Variants in RANBP9 observed in about 807,000 individuals in gnomAD.
RANBP9 encodes RAN binding protein 9.
Under a neutral mutation model 84.3 loss-of-function variants are expected in RANBP9, and 15 were observed. The observed-to-expected ratio is 0.18, with a 90% CI of 0.12 to 0.27. The LOEUF is 0.27. RANBP9 is among the 10% of genes least tolerant of loss of function. The probability of loss-of-function intolerance (pLI) is 1.00; values close to 1 mark genes in which losing one functional copy is unlikely to be tolerated. For synonymous variants in RANBP9, 392 were observed against 349.6 expected, an observed-to-expected ratio of 1.12 and a Z score of -1.35; for missense variants, 809 against 912.8, an observed-to-expected ratio of 0.89 and a Z score of 1.46.
In RANBP9 at chr6:13,644,585, T is replaced by G; in HGVS notation, c.1072A>C (p.Ile358Leu). 4 of 1,613,174 alleles carry G rather than the reference T, an allele frequency of 2.5e-6. No individual in the cohort carries two copies. The highest frequency in any genetic ancestry group is 3.4e-6 in the Non-Finnish European group (4 of 1,179,614). ...TGCCATTCTCCTTCTCGATCTCCGA[T>G]AGGAAATCGATCTATCTGTGCCTGG... is the stretch of plus-strand genomic sequence containing the variant. ...KIQAQIDRFP[I>L]GDREGEWQTM... The change falls in exon 6 of 14, where the codon ATC becomes CTC. Residue 358 changes from isoleucine (I) to leucine (L), a missense_variant. Physicochemically the swap from Ile to Leu is conservative, Grantham distance 5. Around this residue, in one of 5 missense-constraint regions of RANBP9, gnomAD observed 216 missense variants for 329.0 expected, o/e 0.66. Transcript: ENST00000011619.
intron 2 of RANBP9, among the ~76,000 whole-genome samples, chr6:13,672,760 C>G (rs1012030378): frequency 6.6e-6 from 1 of 151,264 alleles, no homozygotes; most frequent in Non-Finnish European, 1.5e-5. Flanking sequence ...CATTAAAATG[C>G]TAAGGGCTAT....
At chr6:13,641,976 T>C (rs1462129288) in intron 7 of RANBP9, among the ~76,000 whole-genome samples, 2 of 152,190 alleles carry the variant, frequency 1.3e-5, no homozygotes, top group Non-Finnish European at 2.9e-5. Context: ...AATTTTAGGA[T>C]GGCTAACTAT....
At chr6:13,664,499 T>C (rs985718786) in intron 2 of RANBP9, among the ~76,000 whole-genome samples, 5 of 151,978 alleles carry the variant, frequency 3.3e-5, no homozygotes, top group Non-Finnish European at 7.4e-5. Context: ...CTAAAGTGTA[T>C]ATAGAAGCTG....
intron 1 of RANBP9, among the ~76,000 whole-genome samples, chr6:13,702,800 G>T (rs565980073): frequency 5.3e-5 from 8 of 151,988 alleles, no homozygotes; most frequent in Admixed American, 5.2e-4. Context: ...TATTTCTCAA[G>T]GATAATCTCT....
chr6:13,711,492 G>A lies in RANBP9; in HGVS notation c.14C>T (p.Pro5Leu), dbSNP rs1222078187. 5 of 1,244,060 alleles carry A rather than the reference G, an allele frequency of 4.0e-6. No homozygotes were observed. Among genetic ancestry groups the A allele is most frequent in the Non-Finnish European group, 5.0e-6 (5 of 992,578 alleles). 77.1% of individuals were successfully genotyped at this position (1,244,060 alleles called of 1,614,324 possible). The change falls in exon 1 of 14, where the codon CCG (proline) becomes CTG (leucine). Residue 5 changes from proline to leucine, a missense_variant. Transcript: ENST00000011619. MSGQPPPPPPQQQQQ... is the reference protein window; with the variant it reads MSGQLPPPPPQQQQQ... ...CTGCTGCTGCGGCGGCGGCGGCGGC[G>A]GCTGCCCGGACATCCCGGCCGCGAC...
intron 2 of RANBP9, among the ~76,000 whole-genome samples, chr6:13,691,485 G>C (rs1262080956): frequency 1.3e-5 from 2 of 152,138 alleles, no homozygotes; most frequent in East Asian, 3.9e-4. Context: ...GGAATTAAAA[G>C]TCTTTACAAG....
rs555880998 is a variant in RANBP9, at chr6:13,673,573, G to C, written c.684-14741C>G. On this transcript the variant is annotated intron_variant, in intron 2 of 13. Coordinates refer to ENST00000011619, the MANE Select transcript of RANBP9 (RefSeq NM_005493.3). Reference sequence around the variant, plus strand: ...ATATCTTGGGTAACTGCTGACTATGGATAAGTGAAATGAATAACAGCAATG... The same window carrying C: ...ATATCTTGGGTAACTGCTGACTATGCATAAGTGAAATGAATAACAGCAATG... 4.6e-5 allele frequency among the ~76,000 whole-genome samples: 7 copies of C among 152,262 alleles called. No homozygotes were observed. In the East Asian group the frequency reaches 1.3e-3, roughly 29 times the overall value.
chr6:13,696,943 T>C, intron 1 of RANBP9, 47 bp from the exon 2 acceptor site: 1 of 1,450,228 alleles, frequency 6.9e-7, no homozygotes, highest in South Asian at 1.2e-5. Flanking sequence ...AGATATTCAC[T>C]GAAAGATGAA....
chr6:13,670,716 T>C (rs1309894851), intron 2 of RANBP9, among the ~76,000 whole-genome samples: 1 of 147,982 alleles, frequency 6.8e-6, no homozygotes, highest in Non-Finnish European at 1.5e-5. Context: ...AGGAGAATGG[T>C]GTGAACCCGG....
chr6:13,642,746 G>A lies in RANBP9; in HGVS notation c.1113-155C>T, dbSNP rs112793860. 2.4e-3 allele frequency among the ~76,000 whole-genome samples: 358 copies of A among 152,194 alleles called. 1 individual carries two copies. The highest frequency in any genetic ancestry group is 8.2e-3 in the African/African-American group (339 of 41,550). ...AACCTCACCTTTAAAGTAAGCTTTT[G>A]AAAAACATCATTTTGTTCTATTCAT... On this transcript the variant is annotated intron_variant, in intron 6 of 13. Transcript: ENST00000011619.
chr6:13,682,072 G>C (rs775050012), intron 2 of RANBP9, among the ~76,000 whole-genome samples: 9 of 152,032 alleles, frequency 5.9e-5, no homozygotes, highest in Non-Finnish European at 1.2e-4. Flanking sequence ...ACATTGGCCA[G>C]GCTGGTCTCG....
intron 1 of RANBP9, among the ~76,000 whole-genome samples, chr6:13,705,221 T>C (rs536254367): frequency 1.3e-4 from 19 of 151,638 alleles, no homozygotes; most frequent in African/African-American, 4.6e-4. Flanking sequence ...CTGGCCAACA[T>C]GGCAAAACCC....
Position 13,657,230 on chromosome 6 carries a change from C to T in RANBP9, c.783G>A (p.Ser261=), listed in dbSNP as rs1048656524. The change falls in exon 4 of 14, where the codon TCG becomes TCA. Residue 261 remains serine, a synonymous_variant. Transcript: ENST00000011619. ...SYGYHGDDGH[S]FCSSGTGQPY... ...GTTGTCCAGTTCCAGAAGAACAAAA[C>T]GAATGTCCATCATCCCCATGGTAAC... 1.2e-6 allele frequency: 2 copies of T among 1,613,540 alleles called. No homozygotes were observed. The highest frequency in any genetic ancestry group is 8.5e-7 in the Non-Finnish European group (1 of 1,179,654).
At chr6:13,704,468 A>C (rs1758050559) in intron 1 of RANBP9, among the ~76,000 whole-genome samples, 1 of 151,986 alleles carries the variant, frequency 6.6e-6, no homozygotes, top group African/African-American at 2.4e-5. Flanking sequence ...TTCTCTACAA[A>C]AAAATACAAA....
intron 2 of RANBP9, among the ~76,000 whole-genome samples, chr6:13,676,187 T>A (rs1036483826): frequency 1.3e-5 from 2 of 152,044 alleles, no homozygotes; most frequent in African/African-American, 2.4e-5. Context: ...TCAGAATATA[T>A]CCAATAAGGG....
intron 13 of RANBP9, 134 bp downstream of exon 13, chr6:13,625,519 G>A (rs1011674492): frequency 1.6e-5 from 8 of 508,652 alleles, no homozygotes; most frequent in East Asian, 3.2e-5. Context: ...CTATATTTTA[G>A]GTATTTTTAT....
At chr6:13,653,986 A>T (rs2127769386) in intron 4 of RANBP9, among the ~76,000 whole-genome samples, 1 of 152,110 alleles carries the variant, frequency 6.6e-6, no homozygotes, top group East Asian at 1.9e-4. Flanking sequence ...ATATTTTAAT[A>T]TACTATAAAC....
chr6:13,667,602 C>T lies in RANBP9; in HGVS notation c.684-8770G>A, dbSNP rs544931463. 1.7e-3 allele frequency among the ~76,000 whole-genome samples: 258 copies of T among 152,280 alleles called. 1 individual carries two copies. Among genetic ancestry groups the T allele is most frequent in the Non-Finnish European group, 2.7e-3 (185 of 68,006 alleles). Reference sequence around the variant, plus strand: ...GCCATTTTAAATCTTTTATACCACACATTTTTACTGTATCTTTCCTATGTG... The same window carrying T: ...GCCATTTTAAATCTTTTATACCACATATTTTTACTGTATCTTTCCTATGTG... On this transcript the variant is annotated intron_variant, in intron 2 of 13. Coordinates refer to ENST00000011619, the MANE Select transcript of RANBP9 (RefSeq NM_005493.3).
At chr6:13,676,989 C>T (rs542316306) in intron 2 of RANBP9, among the ~76,000 whole-genome samples, 1 of 152,154 alleles carries the variant, frequency 6.6e-6, no homozygotes, top group South Asian at 2.1e-4. Context: ...TCTTATTCAA[C>T]ATCATAGGGG....
Sources: allele counts gnomAD v4.1 joint callset (sites outside exome capture counted in the v4.1 genomes callset), GRCh38; gene constraint gnomAD v4.1.1; regional missense constraint gnomAD v4.1.1; transcripts MANE v1.5; gene names NCBI Gene and HGNC (gene_info 2026-07-23, HGNC 2026-07-21).